Variants in SLC9A9 observed in about 807,000 individuals in gnomAD.
SLC9A9 encodes the protein solute carrier family 9 member A9.
SLC9A9 carries 62 observed loss-of-function variants against 77.8 expected under a neutral mutation model. The ratio of observed to expected loss-of-function variants is 0.80; its 90% CI spans 0.65 to 0.98. The LOEUF (loss-of-function observed/expected upper bound fraction) is 0.98. Among genes scored for constraint, SLC9A9 ranks in the 50% least tolerant of loss-of-function variants. The pLI is 0.00. For missense variants in SLC9A9, 775 were observed against 774.9 expected, an observed-to-expected ratio of 1.00 and a Z score of 0.00; for synonymous variants, 320 against 283.5, an observed-to-expected ratio of 1.13 and a Z score of -1.29.
At chr3:143,752,679 G>GTT (rs77031960) in intron 4 of SLC9A9, among the ~76,000 whole-genome samples, 22 of 138,954 alleles carry the variant, frequency 1.6e-4, no homozygotes, top group Middle Eastern at 3.9e-3. Flanking sequence ...ATGTGAAAAG[G>GTT]TTTTTTTTTT....
At chr3:143,333,916 A>AAG (rs955650411) in intron 14 of SLC9A9, among the ~76,000 whole-genome samples, 1 of 95,670 alleles carries the variant, frequency 1.0e-5, no homozygotes, top group Non-Finnish European at 1.9e-5. Context: ...GATGAGGGAA[A>AAG]CTTCAAGTGG....
At chr3:143,281,647 G>C (rs1163110988) in intron 14 of SLC9A9, among the ~76,000 whole-genome samples, 1 of 152,218 alleles carries the variant, frequency 6.6e-6, no homozygotes, top group East Asian at 1.9e-4. Flanking sequence ...GCAGGGACTA[G>C]TCCAAAACTG....
chr3:143,404,252 C>A (rs138036293), intron 12 of SLC9A9, among the ~76,000 whole-genome samples: 2,068 of 151,340 alleles, frequency 0.014, 18 homozygotes, highest in Non-Finnish European at 0.021. Context: ...GAGCTCACTG[C>A]AACTTCTGCC....
At chr3:143,676,031 T>C (rs1017894234) in intron 5 of SLC9A9, among the ~76,000 whole-genome samples, 13 of 152,144 alleles carry the variant, frequency 8.5e-5, no homozygotes, top group African/African-American at 3.1e-4. Flanking sequence ...GGTTTCGGAA[T>C]GAAACTTCCA....
intron 6 of SLC9A9, among the ~76,000 whole-genome samples, chr3:143,598,469 AGT>A (rs1232115698): frequency 3.3e-5 from 5 of 152,232 alleles, no homozygotes; most frequent in African/African-American, 1.2e-4. Flanking sequence ...AGGGTAAATT[AGT>A]GGCGCTAGTG....
chr3:143,544,609 A>T (rs1405984787), intron 9 of SLC9A9, among the ~76,000 whole-genome samples: 1 of 152,018 alleles, frequency 6.6e-6, no homozygotes, highest in African/African-American at 2.4e-5. Context: ...TTCTCCCATT[A>T]TGTAGGTTGT....
chr3:143,589,182 CAAGCACTATGTT>C (rs1198894511), intron 6 of SLC9A9, among the ~76,000 whole-genome samples: 2 of 152,182 alleles, frequency 1.3e-5, no homozygotes, highest in Non-Finnish European at 2.9e-5. Context: ...CACTATGTGT[CAAGCACTATGTT>C]AAGCATTTTT....
At chr3:143,721,212 C>A (rs935459591) in intron 4 of SLC9A9, among the ~76,000 whole-genome samples, 3 of 152,120 alleles carry the variant, frequency 2.0e-5, no homozygotes, top group Non-Finnish European at 4.4e-5. Context: ...AAAAAGTCCA[C>A]ATTACCAGGT....
intron 12 of SLC9A9, among the ~76,000 whole-genome samples, chr3:143,420,750 T>A (rs9819943): frequency 0.41 from 62,087 of 151,964 alleles, 12,955 homozygotes; most frequent in Non-Finnish European, 0.44. Flanking sequence ...GGTAGCATTA[T>A]TCACATTTTA....
Position 143,382,241 on chromosome 3 carries a change from C to T in SLC9A9, c.1470-127G>A, listed in dbSNP as rs562664951. On this transcript the variant is annotated intron_variant, in intron 12 of 15. Coordinates refer to ENST00000316549, the MANE Select transcript of SLC9A9 (RefSeq NM_173653.4). Reference sequence around the variant, plus strand: ...AAAGATTTGGCAGAAAACTATCCTACGTCTTCTTGAATCAAAAGAACCTCA... The same window carrying T: ...AAAGATTTGGCAGAAAACTATCCTATGTCTTCTTGAATCAAAAGAACCTCA... The T allele has an allele frequency of 6.4e-4, 623 of 975,368 alleles. 1 individual carries two copies. Among genetic ancestry groups the T allele is most frequent in the Non-Finnish European group, 9.5e-4 (578 of 607,918 alleles). 60.4% of individuals were successfully genotyped at this position (975,368 alleles called of 1,614,324 possible).
Position 143,500,688 on chromosome 3 carries a change from T to C in SLC9A9, c.1090-5240A>G, listed in dbSNP as rs538050824. ...ATTTTTCCAGGTGAAAACCAATTTT[T>C]GTCAGTACCTCCTACCTCCCAACAA... On this transcript the variant is annotated intron_variant, in intron 9 of 15. Transcript: ENST00000316549. Among the ~76,000 whole-genome samples the C allele has an allele frequency of 3.3e-5, 5 of 152,224 alleles. No homozygotes were observed. In the South Asian group the frequency reaches 8.3e-4, roughly 25 times the overall value.
intron 13 of SLC9A9, among the ~76,000 whole-genome samples, chr3:143,367,185 G>T (rs907485593): frequency 2.0e-5 from 3 of 152,316 alleles, no homozygotes; most frequent in African/African-American, 7.2e-5. Flanking sequence ...ATGGTCAGCT[G>T]ATGGGAGCAA....
intron 14 of SLC9A9, among the ~76,000 whole-genome samples, chr3:143,359,343 TAAAAC>T (rs1349116924): frequency 4.6e-5 from 7 of 152,088 alleles, no homozygotes; most frequent in Admixed American, 2.6e-4. Flanking sequence ...AGGGAACTAT[TAAAAC>T]AAAGTCCATT....
At chr3:143,312,725 T>G (rs1283096765) in intron 14 of SLC9A9, among the ~76,000 whole-genome samples, 4 of 152,204 alleles carry the variant, frequency 2.6e-5, no homozygotes, top group Non-Finnish European at 5.9e-5. Flanking sequence ...CCACCACCTG[T>G]TCATCCTTCA....
At chr3:143,769,234 T>A (rs2007433187) in intron 4 of SLC9A9, among the ~76,000 whole-genome samples, 1 of 152,202 alleles carries the variant, frequency 6.6e-6, no homozygotes, top group African/African-American at 2.4e-5. Flanking sequence ...GTAATCTTAA[T>A]AATACAAAAA....
intron 4 of SLC9A9, among the ~76,000 whole-genome samples, chr3:143,789,975 C>T (rs555858717): frequency 2.6e-5 from 4 of 152,212 alleles, no homozygotes; most frequent in Non-Finnish European, 4.4e-5. Flanking sequence ...GTGTCCCTAC[C>T]CCAAATCTCA....
chr3:143,436,691 A>T (rs1196947612), intron 12 of SLC9A9, among the ~76,000 whole-genome samples: 1 of 152,202 alleles, frequency 6.6e-6, no homozygotes, highest in Non-Finnish European at 1.5e-5. Context: ...ATTAGGTATA[A>T]ATGCATTCTG....
chr3:143,758,783 T>C (rs1290207100), intron 4 of SLC9A9, among the ~76,000 whole-genome samples: 1 of 152,094 alleles, frequency 6.6e-6, no homozygotes, highest in African/African-American at 2.4e-5. Flanking sequence ...CTCTGAACCT[T>C]CCTCTAAGTC....
At chr3:143,719,914 T>C (rs1934453373) in intron 4 of SLC9A9, among the ~76,000 whole-genome samples, 2 of 152,130 alleles carry the variant, frequency 1.3e-5, no homozygotes, top group Non-Finnish European at 2.9e-5. Flanking sequence ...CCCTTACAGC[T>C]TCCTCCTGGA....
Sources: gnomAD v4.1 joint callset for allele counts (sites outside exome capture counted in the v4.1 genomes callset) on GRCh38, gnomAD v4.1.1 for gene constraint, MANE v1.5 for transcripts, NCBI Gene and HGNC (gene_info 2026-07-23, HGNC 2026-07-21) for gene names.